Variants in RIMS2 observed in about 807,000 individuals in gnomAD.
RIMS2 encodes regulating synaptic membrane exocytosis 2, also known as regulating synaptic membrane exocytosis protein 2.
Under a neutral mutation model 174.4 loss-of-function variants are expected in RIMS2, and 59 were observed. That is an observed-to-expected ratio of 0.34 (90% CI 0.27 to 0.42). The LOEUF is 0.42. Ranked by LOEUF, RIMS2 falls within the 10% of genes least tolerant of loss-of-function variation. The probability of loss-of-function intolerance (pLI) is 1.00; values close to 1 mark genes in which losing one functional copy is unlikely to be tolerated. For synonymous variants in RIMS2, 606 were observed against 572.5 expected (o/e 1.06, Z -0.84); for missense variants, 1,620 against 1,666.3 (o/e 0.97, Z 0.48).
At chr8:103,609,534 T>C (rs1424627077) in intron 1 of RIMS2, among the ~76,000 whole-genome samples, 1 of 152,200 alleles carries the variant, frequency 6.6e-6, no homozygotes, top group Non-Finnish European at 1.5e-5. Flanking sequence ...TGTTTGGATA[T>C]GGTATAAAGA....
intron 3 of RIMS2, among the ~76,000 whole-genome samples, chr8:103,837,629 G>GCGATAGTT (rs1268724170): frequency 1.2e-4 from 19 of 152,168 alleles, no homozygotes; most frequent in South Asian, 6.2e-4. Context: ...TTTTGTCCTT[G>GCGATAGTT]CGATAGTTTG....
chr8:103,757,881 C>G (rs573529083), intron 2 of RIMS2, among the ~76,000 whole-genome samples: 5 of 152,318 alleles, frequency 3.3e-5, no homozygotes, highest in Admixed American at 6.5e-5. Flanking sequence ...TCACCAGAAG[C>G]TGATTGCCAG....
At chr8:103,683,409 A>AC (rs2096903061) in intron 1 of RIMS2, among the ~76,000 whole-genome samples, 1 of 152,144 alleles carries the variant, frequency 6.6e-6, no homozygotes, top group Non-Finnish European at 1.5e-5. Flanking sequence ...GAATTCACTC[A>AC]CCCCCAAGGA....
chr8:103,756,395 T>TC (rs913076293), intron 2 of RIMS2, among the ~76,000 whole-genome samples: 1 of 151,062 alleles, frequency 6.6e-6, no homozygotes, highest in African/African-American at 2.4e-5. Context: ...TTTTTGTTTT[T>TC]TTTTTTTTGC....
chr8:104,058,391 C>T (rs2096913688), intron 19 of RIMS2, among the ~76,000 whole-genome samples: 1 of 149,848 alleles, frequency 6.7e-6, no homozygotes, highest in African/African-American at 2.5e-5. Context: ...CTGTTCATAT[C>T]CTTCGCCCAC....
At chr8:104,170,723 T>G (rs1244681427) in intron 19 of RIMS2, among the ~76,000 whole-genome samples, 2 of 152,112 alleles carry the variant, frequency 1.3e-5, no homozygotes, top group African/African-American at 4.8e-5. Flanking sequence ...AGATACTTTT[T>G]TTTCAATGTG....
intron 19 of RIMS2, among the ~76,000 whole-genome samples, chr8:104,020,119 A>T (rs1266815037): frequency 6.6e-6 from 1 of 151,916 alleles, no homozygotes; most frequent in Non-Finnish European, 1.5e-5. Context: ...TTCCTATGAG[A>T]TAGGAAGTAT....
Position 104,078,596 on chromosome 8 carries a change from T to C in RIMS2, c.3334+63981T>C, listed in dbSNP as rs1010095523. 2.6e-5 allele frequency among the ~76,000 whole-genome samples: 4 copies of C among 152,348 alleles called. No individual in the cohort carries two copies. The East Asian group carries it at 7.7e-4, about 29-fold the overall frequency. On this transcript the variant is annotated intron_variant, in intron 19 of 23. Transcript: ENST00000504942. ...CAAGTACAGTCACATTCTGAGGTAC[T>C]GAAGACTAGGACTTCAGTATAGGAA...
At chr8:103,575,287 T>G (rs1470783952) in intron 1 of RIMS2, among the ~76,000 whole-genome samples, 3 of 152,066 alleles carry the variant, frequency 2.0e-5, no homozygotes, top group African/African-American at 7.2e-5. Flanking sequence ...GAGACAATAG[T>G]AGGTGTTTTA....
At chr8:103,904,570 A>G (rs2073967640) in intron 4 of RIMS2, among the ~76,000 whole-genome samples, 1 of 151,994 alleles carries the variant, frequency 6.6e-6, no homozygotes, top group Non-Finnish European at 1.5e-5. Context: ...ATTTTCCTTT[A>G]ACTTTTTAAT....
chr8:104,120,132 C>G (rs1181061546), intron 19 of RIMS2, among the ~76,000 whole-genome samples: 1 of 152,152 alleles, frequency 6.6e-6, no homozygotes, highest in Admixed American at 6.5e-5. Context: ...TTTTCTCACT[C>G]ATGTAGAGAG....
intron 19 of RIMS2, among the ~76,000 whole-genome samples, chr8:104,042,162 C>G (rs1307691127): frequency 1.3e-5 from 2 of 151,458 alleles, no homozygotes; most frequent in East Asian, 3.9e-4. Context: ...TGATTCCTTT[C>G]CCCTGGGGAG....
intron 19 of RIMS2, among the ~76,000 whole-genome samples, chr8:104,085,742 G>C (rs1193579079): frequency 6.6e-6 from 1 of 152,122 alleles, no homozygotes; most frequent in Non-Finnish European, 1.5e-5. Context: ...GGGGAAGGAG[G>C]AGTCAAAGAT....
chr8:104,202,773 T>A (rs1038235287), intron 19 of RIMS2, among the ~76,000 whole-genome samples: 1 of 152,252 alleles, frequency 6.6e-6, no homozygotes, highest in Non-Finnish European at 1.5e-5. Flanking sequence ...GTGAATATGA[T>A]TATACTCTGA....
chr8:103,773,748 T>C (rs1282460516), intron 3 of RIMS2, among the ~76,000 whole-genome samples: 1 of 151,738 alleles, frequency 6.6e-6, no homozygotes, highest in Non-Finnish European at 1.5e-5. Context: ...AAAACAAATC[T>C]ATAAGGAAAT....
chr8:103,756,222 A>G (rs1218398376), intron 2 of RIMS2, among the ~76,000 whole-genome samples: 1 of 151,648 alleles, frequency 6.6e-6, no homozygotes, highest in Non-Finnish European at 1.5e-5. Context: ...CTGGAGGTCC[A>G]CTCCAGACCC....
At chr8:103,828,395 T>G (rs1262243224) in intron 3 of RIMS2, among the ~76,000 whole-genome samples, 1 of 152,248 alleles carries the variant, frequency 6.6e-6, no homozygotes, top group East Asian at 1.9e-4. Context: ...TTGAGATGTG[T>G]CTGCTTATGT....
At chr8:104,154,167 G>A (rs1344532988) in intron 19 of RIMS2, among the ~76,000 whole-genome samples, 4 of 152,156 alleles carry the variant, frequency 2.6e-5, no homozygotes, top group African/African-American at 9.7e-5. Flanking sequence ...CGATAGATGG[G>A]GGGAAAAAGT....
intron 2 of RIMS2, among the ~76,000 whole-genome samples, chr8:103,719,348 A>G (rs547121578): frequency 6.6e-6 from 1 of 152,358 alleles, no homozygotes; most frequent in East Asian, 1.9e-4. Flanking sequence ...ACCCAAAAAC[A>G]TTCCTAATGG....
Sources: gnomAD v4.1 joint callset for allele counts (sites outside exome capture counted in the v4.1 genomes callset) on GRCh38, gnomAD v4.1.1 for gene constraint, MANE v1.5 for transcripts, NCBI Gene and HGNC (gene_info 2026-07-23, HGNC 2026-07-21) for gene names.